LTBP1: variants seen among roughly 807,000 people sequenced by gnomAD.
The protein encoded by LTBP1 is latent-transforming growth factor beta-binding protein 1.
In LTBP1, 129 loss-of-function variants were observed where a neutral mutation model predicts 207.6. The ratio of observed to expected loss-of-function variants is 0.62; its 90% CI spans 0.54 to 0.72. The LOEUF is 0.72. Ranked by LOEUF, LTBP1 falls within the 30% of genes least tolerant of loss-of-function variation. The pLI is 0.00. For synonymous variants in LTBP1, 963 were observed against 833.7 expected, an observed-to-expected ratio of 1.16 and a Z score of -2.67; for missense variants, 2,281 against 2,217.2, an observed-to-expected ratio of 1.03 and a Z score of -0.58.
At chr2:33,255,528 C>T (rs1288911173) in intron 11 of LTBP1, among the ~76,000 whole-genome samples, 2 of 152,176 alleles carry the variant, frequency 1.3e-5, no homozygotes, top group African/African-American at 4.8e-5. Context: ...AAGACACATG[C>T]ACACGTATGT....
At chr2:33,032,880 G>C (rs1165043370) in intron 3 of LTBP1, among the ~76,000 whole-genome samples, 3 of 152,160 alleles carry the variant, frequency 2.0e-5, no homozygotes, top group African/African-American at 4.8e-5. Context: ...TTCATACCTA[G>C]TGAGGAAATG....
intron 5 of LTBP1, among the ~76,000 whole-genome samples, chr2:33,146,289 C>G (rs2083035338): frequency 6.6e-6 from 1 of 152,174 alleles, no homozygotes; most frequent in African/African-American, 2.4e-5. Flanking sequence ...TTCTTACTCT[C>G]AAGACAAAAT....
At position 33,300,546 on chromosome 2, in the gene LTBP1, C is replaced by T. The variant is rs1352248802; in HGVS notation, c.3331C>T (p.Leu1111=). The part of the protein sequence containing the change: ...FRCTCGQGYQ[L]SAAKDQCEDI... ...GTGCACCTGTGGACAGGGGTACCAG[C>T]TGTCGGCAGCTAAAGACCAGTGTGA... The change falls in exon 21 of 34, where the codon CTG becomes TTG. Residue 1111 remains leucine (L), a synonymous_variant. Coordinates refer to ENST00000404816, the MANE Select transcript of LTBP1 (RefSeq NM_206943.4). 6.2e-7 allele frequency: 1 copy of T among 1,613,352 alleles called. No individual in the cohort carries two copies. The highest frequency in any genetic ancestry group is 2.2e-5 in the East Asian group (1 of 44,860).
intron 4 of LTBP1, among the ~76,000 whole-genome samples, chr2:33,112,272 T>C (rs2150281194): frequency 6.6e-6 from 1 of 152,310 alleles, no homozygotes; most frequent in African/African-American, 2.4e-5. Flanking sequence ...GGAATGAAAA[T>C]TCCCACTGTG....
At position 32,982,545 on chromosome 2, in the gene LTBP1, A is replaced by C. The variant is rs1682921903; in HGVS notation, c.565+33600A>C. On this transcript the variant is annotated intron_variant, in intron 2 of 33. Transcript: ENST00000404816. ...AGACAGTGGGGAAAATGTCTCCAGGACATGTCAGAGACTTTCATGGCAGCT... is the reference window on the plus strand; with the variant it reads ...AGACAGTGGGGAAAATGTCTCCAGGCCATGTCAGAGACTTTCATGGCAGCT... Among the ~76,000 whole-genome samples the C allele has an allele frequency of 2.0e-5, 3 of 152,172 alleles. No individual in the cohort carries two copies. In the South Asian group the frequency reaches 6.2e-4, roughly 32 times the overall value.
Position 33,293,242 on chromosome 2 carries a change from C to G in LTBP1, c.3195C>G (p.His1065Gln), listed in dbSNP as rs1261573128. Residue 1065 changes from histidine (H) to glutamine (Q), a missense_variant, in exon 20 of 34, where the codon CAC becomes CAG. Coordinates refer to ENST00000404816, the MANE Select transcript of LTBP1 (RefSeq NM_206943.4). ...AAGGCTCCTACATGTGTTCATGCCACAAAGGCTATACCCGGACTCCGGACC... is the reference window on the plus strand; with the variant it reads ...AAGGCTCCTACATGTGTTCATGCCAGAAAGGCTATACCCGGACTCCGGACC... ...NLEGSYMCSC[H>Q]KGYTRTPDHK... is the part of the protein sequence containing the mutation. The G allele has an allele frequency of 1.9e-6, 3 of 1,613,946 alleles. No individual in the cohort carries two copies. The African/African-American group carries it at 4.0e-5, about 22-fold the overall frequency.
intron 26 of LTBP1, among the ~76,000 whole-genome samples, chr2:33,350,332 G>A (rs1181321737): frequency 6.6e-6 from 1 of 152,136 alleles, no homozygotes; most frequent in Non-Finnish European, 1.5e-5. Context: ...CAGAACTAGG[G>A]TTATGGGGTA....
chr2:33,371,559 G>A (rs2095067656), intron 31 of LTBP1, among the ~76,000 whole-genome samples: 1 of 152,220 alleles, frequency 6.6e-6, no homozygotes, highest in African/African-American at 2.4e-5. Flanking sequence ...CGCTGTGAGA[G>A]AAGAAAGTCA....
At chr2:33,130,792 C>T (rs978116954) in intron 4 of LTBP1, among the ~76,000 whole-genome samples, 11 of 152,234 alleles carry the variant, frequency 7.2e-5, no homozygotes, top group Non-Finnish European at 1.3e-4. Flanking sequence ...CTGCATGGCT[C>T]CAGGCAATCT....
intron 30 of LTBP1, among the ~76,000 whole-genome samples, chr2:33,364,980 G>C (rs1399139167): frequency 6.6e-6 from 1 of 152,222 alleles, no homozygotes; most frequent in Non-Finnish European, 1.5e-5. Context: ...TACATGGAAA[G>C]AAATGGTAGG....
chr2:33,341,807 C>T lies in LTBP1; in HGVS notation c.3731-1031C>T, dbSNP rs531809033. On this transcript the variant is annotated intron_variant, in intron 24 of 33. Transcript: ENST00000404816. Reference sequence around the variant, plus strand: ...CTCAATTTTATTAATAGTAACTCTCCCCAAACTAAACTCTGTCAAGTGAAC... The same window carrying T: ...CTCAATTTTATTAATAGTAACTCTCTCCAAACTAAACTCTGTCAAGTGAAC... Among the ~76,000 whole-genome samples the T allele has an allele frequency of 1.5e-4, 23 of 149,844 alleles. No homozygotes were observed. In the East Asian group the frequency reaches 2.3e-3, roughly 15 times the overall value.
At chr2:33,183,043 C>T (rs1310667848) in intron 5 of LTBP1, among the ~76,000 whole-genome samples, 1 of 152,044 alleles carries the variant, frequency 6.6e-6, no homozygotes, top group Non-Finnish European at 1.5e-5. Context: ...GTTTGCTTTT[C>T]ATTGTATAAC....
intron 19 of LTBP1, among the ~76,000 whole-genome samples, chr2:33,283,176 C>A (rs984913400): frequency 3.3e-5 from 5 of 150,434 alleles, no homozygotes; most frequent in Admixed American, 2.0e-4. Context: ...TAAGCAAGTA[C>A]AATATATAGG....
At chr2:33,257,221 T>G in intron 11 of LTBP1, 63 bp from the exon 12 acceptor site, 1 of 1,207,546 alleles carries the variant, frequency 8.3e-7, no homozygotes, top group South Asian at 1.3e-5. Flanking sequence ...TCATGATATT[T>G]TCCTCTGTAT....
intron 3 of LTBP1, among the ~76,000 whole-genome samples, chr2:33,092,308 T>C (rs971012414): frequency 2.6e-5 from 4 of 152,252 alleles, no homozygotes; most frequent in African/African-American, 9.6e-5. Context: ...CTGTTCTTTA[T>C]TGAGTTCTGT....
chr2:33,259,598 ACCC>A lies in LTBP1; in HGVS notation c.2409_2411del (p.Pro804del). 6.2e-7 allele frequency: 1 copy of A among 1,602,988 alleles called. No individual in the cohort carries two copies. The highest frequency in any genetic ancestry group is 1.7e-4 in the Middle Eastern group (1 of 6,020). ...CTTTTCTGGTTTTAGTGGCAACTGC[ACCC>A]CCTGAAAAGGTAATTTATTCATTGC... On this transcript the variant is annotated inframe_deletion, in exon 13 of 34. Transcript: ENST00000404816.
At chr2:33,280,800 G>A (rs1319087465) in intron 19 of LTBP1, among the ~76,000 whole-genome samples, 1 of 152,176 alleles carries the variant, frequency 6.6e-6, no homozygotes, top group East Asian at 1.9e-4. Context: ...TATGCATGGT[G>A]GCTCATGCCT....
At chr2:33,356,032 G>C (rs746934877) in intron 26 of LTBP1, among the ~76,000 whole-genome samples, 9 of 151,850 alleles carry the variant, frequency 5.9e-5, no homozygotes, top group Non-Finnish European at 1.2e-4. Context: ...TTTGGTCTAG[G>C]TTCTGCAGCT....
chr2:33,001,646 C>G (rs1686071815), intron 2 of LTBP1, among the ~76,000 whole-genome samples: 1 of 134,610 alleles, frequency 7.4e-6, no homozygotes, highest in Non-Finnish European at 1.6e-5. Flanking sequence ...TTTTGCTGGA[C>G]TCTCCTGCCC....
Sources: allele counts gnomAD v4.1 joint callset (sites outside exome capture counted in the v4.1 genomes callset), GRCh38; gene constraint gnomAD v4.1.1; transcripts MANE v1.5; gene names NCBI Gene and HGNC (gene_info 2026-07-23, HGNC 2026-07-21).